Variants in VAT1L observed in about 807,000 individuals in gnomAD.
The protein encoded by VAT1L is putative NADPH-dependent quinone oxidoreductase VAT1L.
In VAT1L, 34 loss-of-function variants were observed where a neutral mutation model predicts 44.1. The observed-to-expected ratio is 0.77, with a 90% CI of 0.59 to 1.03. The LOEUF (loss-of-function observed/expected upper bound fraction) is 1.03. Ranked by LOEUF, VAT1L falls within the 50% of genes least tolerant of loss-of-function variation. The pLI is 0.00. For missense variants in VAT1L, 615 were observed against 538.8 expected (o/e 1.14, Z -1.40); for synonymous variants, 253 against 202.2 (o/e 1.25, Z -2.13).
intron 7 of VAT1L, among the ~76,000 whole-genome samples, chr16:77,956,990 T>C (rs1044238881): frequency 6.6e-6 from 1 of 152,172 alleles, no homozygotes; most frequent in Non-Finnish European, 1.5e-5. Flanking sequence ...AACCAGCCCT[T>C]TTTCTCCAAG....
intron 4 of VAT1L, among the ~76,000 whole-genome samples, chr16:77,872,631 C>A (rs2017044466): frequency 6.6e-6 from 1 of 152,152 alleles, no homozygotes; most frequent in Non-Finnish European, 1.5e-5. Flanking sequence ...TCCCAGTCTT[C>A]CTCCCACCAT....
At chr16:77,962,028 C>G (rs2018165308) in intron 7 of VAT1L, among the ~76,000 whole-genome samples, 1 of 152,180 alleles carries the variant, frequency 6.6e-6, no homozygotes, top group African/African-American at 2.4e-5. Flanking sequence ...TGTGAGTCAT[C>G]TCTAATTCTT....
intron 3 of VAT1L, among the ~76,000 whole-genome samples, chr16:77,844,836 C>T (rs773650250): frequency 1.7e-4 from 26 of 149,150 alleles, no homozygotes; most frequent in Non-Finnish European, 2.7e-4. Context: ...TATACACACA[C>T]GATAAATACG....
chr16:77,874,139 G>T (rs745830857), intron 4 of VAT1L, among the ~76,000 whole-genome samples: 61 of 152,124 alleles, frequency 4.0e-4, no homozygotes, highest in Non-Finnish European at 8.2e-4. Context: ...GACCCATCAT[G>T]GGTACAGCAG....
rs531935141 is a variant in VAT1L, at chr16:77,805,562, G to A, written c.234-11359G>A. Among the ~76,000 whole-genome samples the A allele has an allele frequency of 2.9e-4, 30 of 101,798 alleles. 1 individual carries two copies. Among genetic ancestry groups the A allele is most frequent in the African/African-American group, 9.6e-4 (25 of 26,002 alleles). 66.8% of individuals were successfully genotyped at this position (101,798 alleles called of 152,430 possible). ...CAAAGAGCACACCTTCCCTTACTGCGTCTGCTTGGCACAAAGCCTCGCACG... is the reference window on the plus strand; with the variant it reads ...CAAAGAGCACACCTTCCCTTACTGCATCTGCTTGGCACAAAGCCTCGCACG... On this transcript the variant is annotated intron_variant, in intron 1 of 8. Transcript: ENST00000302536.
chr16:77,811,208 G>C (rs372612071), intron 1 of VAT1L, among the ~76,000 whole-genome samples: 1 of 152,176 alleles, frequency 6.6e-6, no homozygotes, highest in Non-Finnish European at 1.5e-5. Flanking sequence ...TTTCATATGA[G>C]CAACCCCTGC....
chr16:77,895,172 G>A (rs2017310626), intron 7 of VAT1L, among the ~76,000 whole-genome samples: 1 of 140,692 alleles, frequency 7.1e-6, no homozygotes, highest in Non-Finnish European at 1.5e-5. Flanking sequence ...TGTGTTTTCT[G>A]CAGCTCAAAC....
intron 7 of VAT1L, among the ~76,000 whole-genome samples, chr16:77,928,295 A>T (rs576558894): frequency 6.6e-6 from 1 of 152,314 alleles, no homozygotes; most frequent in Admixed American, 6.5e-5. Flanking sequence ...ATGCTAAATG[A>T]GAAAAATTAC....
At chr16:77,926,916 A>G (rs1052622027) in intron 7 of VAT1L, among the ~76,000 whole-genome samples, 2 of 152,168 alleles carry the variant, frequency 1.3e-5, no homozygotes, top group African/African-American at 2.4e-5. Flanking sequence ...CCCTGAAGTT[A>G]GAAATCCACC....
intron 7 of VAT1L, among the ~76,000 whole-genome samples, chr16:77,921,906 G>C (rs1180532888): frequency 6.6e-6 from 1 of 151,822 alleles, no homozygotes; most frequent in Non-Finnish European, 1.5e-5. Context: ...ACTACACCTG[G>C]GTAATTTTTA....
At chr16:77,915,360 T>A (rs1294084451) in intron 7 of VAT1L, among the ~76,000 whole-genome samples, 1 of 152,080 alleles carries the variant, frequency 6.6e-6, no homozygotes, top group South Asian at 2.1e-4. Context: ...TTTCAGAGAG[T>A]CAGTTATTAA....
At chr16:77,789,376 G>A (rs889079688) in intron 1 of VAT1L, among the ~76,000 whole-genome samples, 10 of 152,198 alleles carry the variant, frequency 6.6e-5, no homozygotes, top group African/African-American at 2.4e-4. Context: ...GTGCCATCAT[G>A]ATCCGTTTAC....
chr16:77,960,107 T>C (rs1418756535), intron 7 of VAT1L, among the ~76,000 whole-genome samples: 1 of 152,092 alleles, frequency 6.6e-6, no homozygotes. Context: ...CACAACCTCA[T>C]AACACCATCT....
chr16:77,795,324 T>C lies in VAT1L; in HGVS notation c.233+6409T>C, dbSNP rs1197730609. ...GAAATTAAGATTTGTTTTAATAATATTTTACATGAAATAGGATTCATCCAA... is the reference window on the plus strand; with the variant it reads ...GAAATTAAGATTTGTTTTAATAATACTTTACATGAAATAGGATTCATCCAA... On this transcript the variant is annotated intron_variant, in intron 1 of 8. Coordinates refer to ENST00000302536, the MANE Select transcript of VAT1L (RefSeq NM_020927.3). Among the ~76,000 whole-genome samples the C allele has an allele frequency of 3.3e-5, 5 of 152,204 alleles. No individual in the cohort carries two copies. In the East Asian group the frequency reaches 7.7e-4, roughly 23 times the overall value.
At chr16:77,839,330 T>C (rs1043536683) in intron 3 of VAT1L, among the ~76,000 whole-genome samples, 4 of 151,494 alleles carry the variant, frequency 2.6e-5, no homozygotes, top group Non-Finnish European at 4.4e-5. Context: ...GGTCAGGAGA[T>C]GGAGACCATC....
chr16:77,822,581 C>G (rs1324933685), intron 2 of VAT1L, among the ~76,000 whole-genome samples: 1 of 152,078 alleles, frequency 6.6e-6, no homozygotes, highest in East Asian at 1.9e-4. Context: ...AGATAACATA[C>G]AGATAAATCT....
chr16:77,846,444 A>T (rs2145264174), intron 3 of VAT1L, among the ~76,000 whole-genome samples: 1 of 152,308 alleles, frequency 6.6e-6, no homozygotes, highest in South Asian at 2.1e-4. Context: ...TATACTGATG[A>T]AAGACAGGAT....
intron 7 of VAT1L, among the ~76,000 whole-genome samples, chr16:77,888,594 C>A (rs2017231936): frequency 6.6e-6 from 1 of 152,180 alleles, no homozygotes; most frequent in South Asian, 2.1e-4. Context: ...TCAGCCTGGG[C>A]ATGATTGAGA....
intron 3 of VAT1L, among the ~76,000 whole-genome samples, chr16:77,829,095 T>C (rs2016553119): frequency 6.6e-6 from 1 of 152,188 alleles, no homozygotes; most frequent in South Asian, 2.1e-4. Flanking sequence ...GTACCTCAAT[T>C]TGGCTGATTC....
Sources: gnomAD v4.1 joint callset for allele counts (sites outside exome capture counted in the v4.1 genomes callset) on GRCh38, gnomAD v4.1.1 for gene constraint, MANE v1.5 for transcripts, NCBI Gene and HGNC (gene_info 2026-07-23, HGNC 2026-07-21) for gene names.